Variants in FAM186A observed in about 807,000 individuals in gnomAD.
FAM186A encodes the protein protein FAM186A.
Under a neutral mutation model 216.8 loss-of-function variants are expected in FAM186A, and 163 were observed. The ratio of observed to expected loss-of-function variants is 0.75; its 90% CI spans 0.66 to 0.86. The LOEUF (loss-of-function observed/expected upper bound fraction) is 0.86, where lower values mean the gene tolerates loss of function less well. FAM186A is among the 40% of genes least tolerant of loss of function. FAM186A has a pLI of 0.00. For missense variants in FAM186A, 2,184 were observed against 2,746.2 expected (o/e 0.80, Z 4.58); for synonymous variants, 805 against 1,025.3 (o/e 0.79, Z 4.10).
chr12:50,363,843 C>G (rs1943061687), intron 1 of FAM186A, among the ~76,000 whole-genome samples: 2 of 151,530 alleles, frequency 1.3e-5, no homozygotes, highest in South Asian at 2.1e-4. Flanking sequence ...ACCTGGAAAG[C>G]AGTTATCAGA....
Position 50,355,114 on chromosome 12 carries a change from G to C in FAM186A, c.1718C>G (p.Ser573Ter), listed in dbSNP as rs1251531303. The C allele has an allele frequency of 6.4e-7, 1 of 1,551,622 alleles. No individual in the cohort carries two copies. The highest frequency in any genetic ancestry group is 2.0e-5 in the Admixed American group (1 of 50,990). ...TTCACCTTTGCCCTCTTTGTCCAAT[G>C]ACTCAGTGGTGGGTTCCACTTTAAT... ...AEIKVEPTTESLDKEGKGEIR... is the reference protein window; with the variant it reads ...AEIKVEPTTE Residue 573 changes from serine to a stop codon, truncating the protein, a stop_gained, in exon 4 of 8, where the codon TCA becomes TGA. Transcript: ENST00000327337. LOFTEE classifies it high-confidence loss of function.
intron 1 of FAM186A, chr12:50,365,640 G>A (rs1011133876): frequency 5.4e-5 from 32 of 591,856 alleles, no homozygotes; most frequent in South Asian, 2.1e-4. Flanking sequence ...CTCCAAAGCC[G>A]GAGTGGCCAA....
rs762202882 is a variant in FAM186A at position 50,351,704 on chromosome 12, A to G, written c.5128T>C (p.Trp1710Arg). The stretch of plus-strand genomic sequence containing the variant: ...GATTTCTGAAATGGTCTATGGGACC[A>G]CTGGACTTGCTTAAGGGTGAGGGGC... Reference protein sequence around the residue: ...GSPLTLKQVQWSHRPFQKSKA... With the variant: ...GSPLTLKQVQRSHRPFQKSKA... Residue 1710 changes from tryptophan to arginine, a missense_variant, in exon 4 of 8, where the codon TGG (tryptophan) becomes CGG (arginine). Coordinates refer to ENST00000327337, the MANE Select transcript of FAM186A (RefSeq NM_001145475.3). The G allele has an allele frequency of 3.9e-6, 6 of 1,551,584 alleles. No individual in the cohort carries two copies. In the South Asian group the frequency reaches 7.1e-5, roughly 18 times the overall value.
intron 7 of FAM186A, among the ~76,000 whole-genome samples, chr12:50,329,347 C>T (rs1434331385): frequency 2.0e-5 from 3 of 151,970 alleles, no homozygotes; most frequent in Admixed American, 1.3e-4. Flanking sequence ...TTAATTTAAT[C>T]GCTATAAAAG....
Position 50,353,695 on chromosome 12 carries a change from A to G in FAM186A, c.3137T>C (p.Ile1046Thr). The part of the protein sequence containing the change: ...LENLPDEKEP[I>T]SITPPPSLQY... ...TAGGGAGGGGGGAGGTGTGATTGAT[A>G]TGGGCTCCTTTTCATCAGGAAGGTT... is the stretch of plus-strand genomic sequence containing the variant. Residue 1046 changes from isoleucine (I) to threonine (T), a missense_variant, in exon 4 of 8, where the codon ATA becomes ACA. This residue lies in a region of FAM186A where 1,132 missense variants were observed against 1,263.4 expected (regional missense o/e 0.90). Coordinates refer to ENST00000327337, the MANE Select transcript of FAM186A (RefSeq NM_001145475.3). 4 of 1,539,136 alleles carry G rather than the reference A, an allele frequency of 2.6e-6. No individual in the cohort carries two copies. Among genetic ancestry groups the G allele is most frequent in the South Asian group, 1.2e-5 (1 of 81,624 alleles).
rs1025402796 is a variant in FAM186A at position 50,363,332 on chromosome 12, G to A, written c.225C>T (p.Asn75=). The part of the protein sequence containing the change: ...DIDMQLSEIM[N]NVHRIMTRYT... The stretch of plus-strand genomic sequence containing the variant: ...AGCGAGTCATTATCCGATGCACATT[G>A]TTCATTATTTCACTCAGCTGCATAT... Residue 75 remains asparagine (N), a synonymous_variant, in exon 2 of 8, where the codon AAC becomes AAT. Coordinates refer to ENST00000327337, the MANE Select transcript of FAM186A (RefSeq NM_001145475.3). 1.3e-6 allele frequency: 2 copies of A among 1,551,028 alleles called. No homozygotes were observed. The highest frequency in any genetic ancestry group is 2.7e-5 in the African/African-American group (2 of 73,144).
intron 5 of FAM186A, 129 bp downstream of exon 5, chr12:50,333,782 T>TTAAGCTATGAA (rs1942679400): frequency 5.7e-6 from 5 of 874,212 alleles, no homozygotes; most frequent in Non-Finnish European, 8.5e-6. Flanking sequence ...CTATGAAGTT[T>TTAAGCTATGAA]GTGGTAATTT....
chr12:50,378,661 T>C (rs989436099), intron 1 of FAM186A, among the ~76,000 whole-genome samples: 3 of 148,138 alleles, frequency 2.0e-5, no homozygotes, highest in East Asian at 2.0e-4. Context: ...CACACACACA[T>C]ATATATATAA....
At chr12:50,342,696 T>TA (rs1358908916) in intron 4 of FAM186A, among the ~76,000 whole-genome samples, 1 of 151,718 alleles carries the variant, frequency 6.6e-6, no homozygotes, top group Non-Finnish European at 1.5e-5. Flanking sequence ...CAGGATGGTC[T>TA]CGATCTGATC....
chr12:50,343,741 C>G (rs1942786180), intron 4 of FAM186A, among the ~76,000 whole-genome samples: 1 of 152,182 alleles, frequency 6.6e-6, no homozygotes, highest in South Asian at 2.1e-4. Flanking sequence ...GCCTCAGCCT[C>G]CAGAGTAGCT....
At chr12:50,348,501 G>A (rs1276730798) in intron 4 of FAM186A, among the ~76,000 whole-genome samples, 1 of 151,628 alleles carries the variant, frequency 6.6e-6, no homozygotes, top group East Asian at 1.9e-4. Context: ...GGGGTTACAG[G>A]CATGAGCCAC....
At chr12:50,332,757 G>A (rs891693872) in intron 5 of FAM186A, among the ~76,000 whole-genome samples, 12 of 152,100 alleles carry the variant, frequency 7.9e-5, no homozygotes, top group Non-Finnish European at 1.3e-4. Context: ...GGCCGGGCAC[G>A]GTGGCTCAAG....
chr12:50,383,802 A>G (rs1295751361), intron 1 of FAM186A, among the ~76,000 whole-genome samples: 3 of 151,954 alleles, frequency 2.0e-5, no homozygotes, highest in Non-Finnish European at 4.4e-5. Context: ...AGAGCAGCAC[A>G]TATAAACCAG....
Position 50,353,675 on chromosome 12 carries a change from A to AG in FAM186A, c.3156dup (p.Ser1053LeufsTer19), listed in dbSNP as rs1942937376. ...GCTCCAGGCAGGGAGTATTGTAGGG[A>AG]GGGGGGAGGTGTGATTGATATGGGC... On this transcript the variant is annotated frameshift_variant, in exon 4 of 8. Transcript: ENST00000327337. LOFTEE classifies it high-confidence loss of function. 13 of 1,537,500 alleles carry AG rather than the reference A, an allele frequency of 8.5e-6. No homozygotes were observed. Among genetic ancestry groups the AG allele is most frequent in the African/African-American group, 1.4e-5 (1 of 72,286 alleles).
chr12:50,346,918 A>G (rs961146315), intron 4 of FAM186A, among the ~76,000 whole-genome samples: 4 of 149,016 alleles, frequency 2.7e-5, no homozygotes, highest in African/African-American at 4.9e-5. Context: ...TCACACATGC[A>G]CACACACACA....
intron 4 of FAM186A, among the ~76,000 whole-genome samples, chr12:50,342,798 G>T (rs1007824348): frequency 8.1e-5 from 12 of 148,758 alleles, no homozygotes; most frequent in African/African-American, 2.7e-4. Context: ...ACAATGTCTC[G>T]CTCTGTCACC....
intron 1 of FAM186A, chr12:50,365,565 C>A: frequency 2.6e-6 from 1 of 384,334 alleles, no homozygotes; most frequent in Non-Finnish European, 4.7e-6. Context: ...ACAAACTGAA[C>A]TTTCTCTACA....
rs1359011117 is a variant in FAM186A, at chr12:50,353,448, CG to C, written c.3383del (p.Ala1128GlyfsTer40). The C allele has an allele frequency of 1.4e-6, 2 of 1,422,008 alleles. No homozygotes were observed. Among genetic ancestry groups the C allele is most frequent in the African/African-American group, 3.4e-5 (2 of 58,454 alleles). The allele number at this position is 1,422,008 out of a possible 1,614,324, so 88.1% of individuals were successfully genotyped here. On this transcript the variant is annotated frameshift_variant, in exon 4 of 8. Coordinates refer to ENST00000327337, the MANE Select transcript of FAM186A (RefSeq NM_001145475.3). LOFTEE classifies it high-confidence loss of function. ...GGGTGAGAGGGATCCCCAGGGCCTG[CG>C]CCTGCTGAGGGGTGAAAAGGATCTC... ...ALEILFTPQQ[A>X]QALGIPLTPQ...
At position 50,348,164 on chromosome 12, in the gene FAM186A, C is replaced by T. The variant is rs1203013818; in HGVS notation, c.6503+2165G>A. On this transcript the variant is annotated intron_variant, in intron 4 of 7. Coordinates refer to ENST00000327337, the MANE Select transcript of FAM186A (RefSeq NM_001145475.3). ...GGTTCAAACGATTCTCCTGCCTCAG[C>T]GTCCTGAGTAGCTGGAGGTGTGTGC... Among the ~76,000 whole-genome samples the T allele has an allele frequency of 2.0e-5, 3 of 151,090 alleles. No individual in the cohort carries two copies. In the Admixed American group the frequency reaches 2.0e-4, roughly 10 times the overall value.
Sources: allele counts gnomAD v4.1 joint callset (sites outside exome capture counted in the v4.1 genomes callset), GRCh38; gene constraint gnomAD v4.1.1; regional missense constraint gnomAD v4.1.1; transcripts MANE v1.5; gene names NCBI Gene and HGNC (gene_info 2026-07-23, HGNC 2026-07-21).